The following CBFA2T2 variants were observed in gnomAD, a reference collection of about 807,000 sequenced individuals.
CBFA2T2 encodes the protein protein CBFA2T2.
Under a neutral mutation model 62.2 loss-of-function variants are expected in CBFA2T2, and 11 were observed. The observed-to-expected ratio is 0.18, with a 90% CI of 0.11 to 0.29. The LOEUF (loss-of-function observed/expected upper bound fraction) is 0.29. Among genes scored for constraint, CBFA2T2 ranks in the 10% least tolerant of loss-of-function variants. The pLI is 1.00. For missense variants in CBFA2T2, 592 were observed against 774.1 expected (o/e 0.76, Z 2.79); for synonymous variants, 295 against 287.5 (o/e 1.03, Z -0.27).
At chr20:33,591,273 C>T (rs139812279) in intron 1 of CBFA2T2, among the ~76,000 whole-genome samples, 206 of 150,932 alleles carry the variant, frequency 1.4e-3, no homozygotes, top group African/African-American at 4.8e-3. Flanking sequence ...CACTTGAGGC[C>T]GGAAGTTCGA....
chr20:33,526,714 A>G (rs887145930), intron 1 of CBFA2T2, among the ~76,000 whole-genome samples: 4 of 147,706 alleles, frequency 2.7e-5, no homozygotes, highest in African/African-American at 7.4e-5. Flanking sequence ...AATCTTGTTC[A>G]GCAAGGCCAA....
intron 1 of CBFA2T2, chr20:33,601,890 G>C (rs1268506622): frequency 6.6e-6 from 1 of 150,822 alleles, no homozygotes; most frequent in African/African-American, 2.4e-5. Flanking sequence ...CTGCAGCCTC[G>C]ACCTCCTGGA....
chr20:33,560,654 T>C (rs1348579199), intron 1 of CBFA2T2, among the ~76,000 whole-genome samples: 2 of 152,208 alleles, frequency 1.3e-5, no homozygotes, highest in Non-Finnish European at 2.9e-5. Context: ...AAAATTGCCA[T>C]GACAGAAATA....
At chr20:33,598,947 T>C (rs2015006706) in intron 1 of CBFA2T2, among the ~76,000 whole-genome samples, 1 of 152,206 alleles carries the variant, frequency 6.6e-6, no homozygotes. Flanking sequence ...TAATCAGTTA[T>C]AGCAGAAGTC....
chr20:33,643,133 G>T (rs2016913936), intron 10 of CBFA2T2, among the ~76,000 whole-genome samples: 1 of 152,218 alleles, frequency 6.6e-6, no homozygotes. Flanking sequence ...GTGAAAGGTG[G>T]TCTGGTGTGG....
chr20:33,574,336 G>A, intron 1 of CBFA2T2: 2 of 1,438,918 alleles, frequency 1.4e-6, no homozygotes, highest in Non-Finnish European at 1.9e-6. Flanking sequence ...GAAACAATTT[G>A]CTTTAAAGGC....
chr20:33,492,772 A>G (rs1305137673), intron 1 of CBFA2T2, among the ~76,000 whole-genome samples: 2 of 151,862 alleles, frequency 1.3e-5, no homozygotes, highest in Non-Finnish European at 2.9e-5. Flanking sequence ...CAGCCATCCA[A>G]ATTGCTGGGA....
rs372404446 is a variant in CBFA2T2, at chr20:33,546,300, G to A, written c.34+55999G>A. On this transcript the variant is annotated intron_variant, in intron 1 of 10. Transcript: ENST00000342704. ...CAGGCCTTAGCAGCCACACTGTAAAGACTAAAGAAAAGGACATTTTCAGTT... is the reference window on the plus strand; with the variant it reads ...CAGGCCTTAGCAGCCACACTGTAAAAACTAAAGAAAAGGACATTTTCAGTT... 2.1e-3 allele frequency among the ~76,000 whole-genome samples: 319 copies of A among 152,092 alleles called. 3 individuals carry two copies. Among genetic ancestry groups the A allele is most frequent in the Middle Eastern group, 0.017 (5 of 294 alleles).
intron 1 of CBFA2T2, among the ~76,000 whole-genome samples, chr20:33,531,637 C>T (rs1422892614): frequency 2.0e-5 from 3 of 152,156 alleles, no homozygotes; most frequent in African/African-American, 4.8e-5. Flanking sequence ...AAATGAGAGG[C>T]ATATGGGAGT....
intron 1 of CBFA2T2, among the ~76,000 whole-genome samples, chr20:33,522,553 C>A (rs185004728): frequency 2.0e-5 from 3 of 151,732 alleles, no homozygotes; most frequent in Admixed American, 2.0e-4. Flanking sequence ...CATAGCAAGA[C>A]CCTGTTTGTT....
At position 33,649,701 on chromosome 20, in the gene CBFA2T2, C is replaced by T. The variant is rs542263839; in HGVS notation, c.*5055C>T. ...AGGCGAATGATTGAAAGGGCTGCTGCGCCAAGAGGCCTTCAGTCCCCTTAA... is the reference window on the plus strand; with the variant it reads ...AGGCGAATGATTGAAAGGGCTGCTGTGCCAAGAGGCCTTCAGTCCCCTTAA... On this transcript the variant is annotated 3_prime_UTR_variant, in exon 11 of 11. Transcript: ENST00000342704. 8 of 152,472 alleles carry T rather than the reference C, an allele frequency of 5.2e-5. No homozygotes were observed. The South Asian group carries it at 6.2e-4, about 12-fold the overall frequency. 9.4% of individuals were successfully genotyped at this position (152,472 alleles called of 1,614,324 possible).
chr20:33,550,556 G>A (rs568109587), intron 1 of CBFA2T2, among the ~76,000 whole-genome samples: 1 of 152,302 alleles, frequency 6.6e-6, no homozygotes, highest in South Asian at 2.1e-4. Context: ...TCAGAGAACA[G>A]TAATGGGTAC....
At chr20:33,509,333 C>T (rs559579785) in intron 1 of CBFA2T2, among the ~76,000 whole-genome samples, 2 of 151,950 alleles carry the variant, frequency 1.3e-5, no homozygotes, top group East Asian at 3.9e-4. Flanking sequence ...CACCACTGCA[C>T]TCCAGCCTAG....
intron 1 of CBFA2T2, among the ~76,000 whole-genome samples, chr20:33,593,325 G>A (rs1019886780): frequency 1.6e-4 from 24 of 150,384 alleles, no homozygotes; most frequent in Non-Finnish European, 2.7e-4. Flanking sequence ...GTGAGATTCC[G>A]TCTCAAAAAC....
At chr20:33,632,906 G>A (rs1238319917) in intron 8 of CBFA2T2, among the ~76,000 whole-genome samples, 1 of 152,030 alleles carries the variant, frequency 6.6e-6, no homozygotes, top group East Asian at 1.9e-4. Context: ...TTACAGGTGT[G>A]CCCTACCACA....
chr20:33,573,093 A>G (rs1184276102), intron 1 of CBFA2T2, among the ~76,000 whole-genome samples: 1 of 152,202 alleles, frequency 6.6e-6, no homozygotes, highest in African/African-American at 2.4e-5. Flanking sequence ...TCATCCATTC[A>G]TTTGAATATT....
Position 33,590,849 on chromosome 20 carries a change from T to C in CBFA2T2, c.35-16107T>C, listed in dbSNP as rs145136902. ...AAACTCGGTTTTTCAAATATTAAGG[T>C]ACATGGAGCCAGGTGGAACCCAGGC... On this transcript the variant is annotated intron_variant, in intron 1 of 10. Transcript: ENST00000342704. Among the ~76,000 whole-genome samples, 66 of 152,110 alleles carry C rather than the reference T, an allele frequency of 4.3e-4. No individual in the cohort carries two copies. In the East Asian group the frequency reaches 0.012, roughly 29 times the overall value.
chr20:33,567,577 CTTT>C (rs373964050), intron 1 of CBFA2T2, among the ~76,000 whole-genome samples: 1 of 139,000 alleles, frequency 7.2e-6, no homozygotes. Flanking sequence ...GTAAATTAAA[CTTT>C]TTTTTTTTTT....
Position 33,640,550 on chromosome 20 carries a change from G to T in CBFA2T2, c.1488+19G>T. 6.2e-7 allele frequency: 1 copy of T among 1,611,626 alleles called. No homozygotes were observed. The highest frequency in any genetic ancestry group is 8.5e-7 in the Non-Finnish European group (1 of 1,178,452). On this transcript the variant is annotated intron_variant, in intron 10 of 10. Coordinates refer to ENST00000342704, the MANE Select transcript of CBFA2T2 (RefSeq NM_001032999.3). ...CACGGAGGTCAGAGCTCTGCGCCCT[G>T]GGGGCTGGGGTGAGCAGCTGGAGTG...
Sources: gnomAD v4.1 joint callset for allele counts (sites outside exome capture counted in the v4.1 genomes callset) on GRCh38, gnomAD v4.1.1 for gene constraint, MANE v1.5 for transcripts, NCBI Gene and HGNC (gene_info 2026-07-23, HGNC 2026-07-21) for gene names.